CLSTN2: variants seen among roughly 807,000 people sequenced by gnomAD.
CLSTN2 encodes the protein calsyntenin-2.
Under a neutral mutation model 101.2 loss-of-function variants are expected in CLSTN2, and 48 were observed. That is an observed-to-expected ratio of 0.47 (90% CI 0.38 to 0.60). The LOEUF (loss-of-function observed/expected upper bound fraction) is 0.60. CLSTN2 is among the 20% of genes least tolerant of loss of function. The pLI is 0.00. For synonymous variants in CLSTN2, 481 were observed against 463.6 expected (o/e 1.04, Z -0.48); for missense variants, 1,160 against 1,238.2 (o/e 0.94, Z 0.95).
intron 8 of CLSTN2, among the ~76,000 whole-genome samples, chr3:140,473,683 A>T (rs1444427786): frequency 2.6e-5 from 4 of 152,030 alleles, no homozygotes. Context: ...GTCCAGTGAC[A>T]TTCATTTCAG....
intron 2 of CLSTN2, among the ~76,000 whole-genome samples, chr3:140,314,567 C>G (rs944423806): frequency 6.6e-6 from 1 of 151,984 alleles, no homozygotes; most frequent in Non-Finnish European, 1.5e-5. Context: ...CCTGAAGTAT[C>G]AGCCAGTGCT....
At chr3:140,562,117 C>A (rs1284183801) in intron 12 of CLSTN2, 21 bp from the exon 13 acceptor site, 1 of 1,611,062 alleles carries the variant, frequency 6.2e-7, no homozygotes, top group Middle Eastern at 1.7e-4. Flanking sequence ...GCCTGCATTT[C>A]CCATGTCTGT....
chr3:140,440,207 C>T (rs539727626), intron 5 of CLSTN2, among the ~76,000 whole-genome samples: 36 of 152,184 alleles, frequency 2.4e-4, no homozygotes, highest in African/African-American at 8.2e-4. Flanking sequence ...AGGGACCGAG[C>T]GAGTACACAG....
chr3:139,949,848 A>T (rs1490780286), intron 1 of CLSTN2, among the ~76,000 whole-genome samples: 1 of 152,142 alleles, frequency 6.6e-6, no homozygotes. Flanking sequence ...ATTCCCTTAA[A>T]CCCTAGACTG....
chr3:140,563,786 T>C (rs919107227), intron 15 of CLSTN2, among the ~76,000 whole-genome samples, 175 bp from the exon 16 acceptor site: 2 of 152,202 alleles, frequency 1.3e-5, no homozygotes, highest in African/African-American at 4.8e-5. Context: ...ATTATGTCCA[T>C]TATAGAGGTG....
intron 1 of CLSTN2, among the ~76,000 whole-genome samples, chr3:140,168,200 C>G (rs2010162121): frequency 1.3e-5 from 2 of 152,212 alleles, no homozygotes; most frequent in African/African-American, 4.8e-5. Flanking sequence ...TTGATATTGT[C>G]AGTTTTATTT....
chr3:140,376,044 C>T lies in CLSTN2; in HGVS notation c.233-27585C>T, dbSNP rs2087914002. The stretch of plus-strand genomic sequence containing the variant: ...ATGAAAAGTTATCAAAAACTATAAT[C>T]TCCCTGTGTCACTCACTCTGGGGTC... On this transcript the variant is annotated intron_variant, in intron 2 of 16. Coordinates refer to ENST00000458420, the MANE Select transcript of CLSTN2 (RefSeq NM_022131.3). Among the ~76,000 whole-genome samples, 3 of 152,198 alleles carry T rather than the reference C, an allele frequency of 2.0e-5. No individual in the cohort carries two copies. In the South Asian group the frequency reaches 6.2e-4, roughly 31 times the overall value.
At chr3:139,992,632 G>T (rs1267506018) in intron 1 of CLSTN2, among the ~76,000 whole-genome samples, 1 of 152,180 alleles carries the variant, frequency 6.6e-6, no homozygotes, top group Non-Finnish European at 1.5e-5. Context: ...AAGCTCCTGT[G>T]CCCCTTATCT....
intron 1 of CLSTN2, among the ~76,000 whole-genome samples, chr3:140,164,162 C>T (rs2010096523): frequency 6.6e-6 from 1 of 152,074 alleles, no homozygotes; most frequent in African/African-American, 2.4e-5. Context: ...TTTTTCCTTG[C>T]CCCTTTTTAT....
intron 1 of CLSTN2, among the ~76,000 whole-genome samples, chr3:139,945,742 T>G (rs1001397691): frequency 1.3e-5 from 2 of 152,248 alleles, no homozygotes; most frequent in Non-Finnish European, 2.9e-5. Context: ...AGATAAATGT[T>G]AATCTAATGC....
intron 5 of CLSTN2, among the ~76,000 whole-genome samples, chr3:140,444,368 T>C (rs1322943375): frequency 6.6e-6 from 1 of 151,428 alleles, no homozygotes; most frequent in African/African-American, 2.4e-5. Flanking sequence ...AGGTGGAGGT[T>C]ACGGTGGGCT....
chr3:140,294,284 G>C (rs750084198), intron 2 of CLSTN2, among the ~76,000 whole-genome samples: 1 of 152,138 alleles, frequency 6.6e-6, no homozygotes, highest in African/African-American at 2.4e-5. Context: ...AACAGTCATG[G>C]GCTAAACTGT....
chr3:140,413,091 T>C (rs1014167614), intron 4 of CLSTN2, among the ~76,000 whole-genome samples: 1 of 151,888 alleles, frequency 6.6e-6, no homozygotes, highest in Non-Finnish European at 1.5e-5. Context: ...GTATAAAAGA[T>C]CAATGACACC....
chr3:140,433,090 A>G (rs2088651489), intron 5 of CLSTN2, among the ~76,000 whole-genome samples: 1 of 152,224 alleles, frequency 6.6e-6, no homozygotes, highest in Admixed American at 6.5e-5. Context: ...TCTCAAAGGA[A>G]AGAAGAACAC....
At chr3:140,093,587 G>A (rs909999835) in intron 1 of CLSTN2, among the ~76,000 whole-genome samples, 2 of 152,132 alleles carry the variant, frequency 1.3e-5, no homozygotes, top group African/African-American at 2.4e-5. Context: ...AGCTCTGCCT[G>A]AGCATTCACT....
At chr3:140,554,286 C>A (rs1229532720) in intron 10 of CLSTN2, among the ~76,000 whole-genome samples, 1 of 152,130 alleles carries the variant, frequency 6.6e-6, no homozygotes, top group Non-Finnish European at 1.5e-5. Context: ...TCAGTGTCAA[C>A]AATAGTGCTC....
intron 1 of CLSTN2, among the ~76,000 whole-genome samples, chr3:140,066,032 A>G (rs2350488): frequency 0.56 from 85,734 of 152,032 alleles, 25,542 homozygotes; most frequent in African/African-American, 0.75. Flanking sequence ...ATCCCGTTCA[A>G]CAGAATTGGT....
chr3:140,565,049 G>T (rs1936001907), intron 16 of CLSTN2, among the ~76,000 whole-genome samples: 1 of 152,220 alleles, frequency 6.6e-6, no homozygotes, highest in Non-Finnish European at 1.5e-5. Flanking sequence ...AAAATGCTGA[G>T]CTCAGTGCTA....
At chr3:139,972,936 A>G (rs1935740848) in intron 1 of CLSTN2, among the ~76,000 whole-genome samples, 1 of 152,236 alleles carries the variant, frequency 6.6e-6, no homozygotes, top group African/African-American at 2.4e-5. Flanking sequence ...TTTTCTGCAT[A>G]TGTGCCTCTA....
Sources: gnomAD v4.1 joint callset for allele counts (sites outside exome capture counted in the v4.1 genomes callset) on GRCh38, gnomAD v4.1.1 for gene constraint, MANE v1.5 for transcripts, NCBI Gene and HGNC (gene_info 2026-07-23, HGNC 2026-07-21) for gene names.